Variants in SEMA3C observed in about 807,000 individuals in gnomAD.
SEMA3C encodes semaphorin-3C.
Under a neutral mutation model 89.4 loss-of-function variants are expected in SEMA3C, and 47 were observed. The ratio of observed to expected loss-of-function variants is 0.53; its 90% CI spans 0.42 to 0.67. The LOEUF is 0.67. SEMA3C is among the 30% of genes least tolerant of loss of function. The probability of loss-of-function intolerance (pLI) is 0.00; values close to 1 mark genes in which losing one functional copy is unlikely to be tolerated. For synonymous variants in SEMA3C, 310 were observed against 320.2 expected (o/e 0.97, Z 0.34); for missense variants, 839 against 929.1 (o/e 0.90, Z 1.26).
chr7:80,822,574 G>A (rs946160015), intron 4 of SEMA3C, among the ~76,000 whole-genome samples: 4 of 152,112 alleles, frequency 2.6e-5, no homozygotes, highest in Admixed American at 1.3e-4. Context: ...AGGCAATAGA[G>A]AATATTGCAG....
intron 2 of SEMA3C, among the ~76,000 whole-genome samples, chr7:80,863,239 A>C (rs1480964918): frequency 6.6e-6 from 1 of 151,814 alleles, no homozygotes; most frequent in East Asian, 1.9e-4. Flanking sequence ...TTAAAAAAAA[A>C]AAAAAAATAG....
chr7:80,868,326 G>T (rs774310160), intron 2 of SEMA3C, among the ~76,000 whole-genome samples: 2 of 151,920 alleles, frequency 1.3e-5, no homozygotes, highest in Admixed American at 6.6e-5. Flanking sequence ...GGAGTGCAGC[G>T]ATGCAGTCTC....
intron 2 of SEMA3C, among the ~76,000 whole-genome samples, chr7:80,895,614 C>T (rs187883956): frequency 5.3e-5 from 8 of 152,042 alleles, no homozygotes; most frequent in Non-Finnish European, 7.4e-5. Flanking sequence ...CACATGTGCA[C>T]GGAATGATTA....
rs1294045169 is a variant in SEMA3C at position 80,765,255 on chromosome 7, AAAG to A, written c.1355-15_1355-13del. On this transcript the variant is annotated splice_polypyrimidine_tract_variant and intron_variant, in intron 12 of 17. Transcript: ENST00000265361. ...CACAGTACCCCGATCTAAATTAAAA[AAAG>A]AAGAAATGAGATGTTACAATACTTT... is the stretch of plus-strand genomic sequence containing the variant. 6.3e-7 allele frequency: 1 copy of A among 1,593,314 alleles called. No individual in the cohort carries two copies. Among genetic ancestry groups the A allele is most frequent in the African/African-American group, 1.3e-5 (1 of 74,460 alleles).
chr7:80,895,583 C>T (rs1336896348), intron 2 of SEMA3C, among the ~76,000 whole-genome samples: 1 of 152,076 alleles, frequency 6.6e-6, no homozygotes, highest in Non-Finnish European at 1.5e-5. Flanking sequence ...CAAATTCAGT[C>T]CTTATATACA....
rs565321016 is a variant in SEMA3C, at chr7:80,837,680, CT to C, written c.104-8936del. 2.6e-5 allele frequency among the ~76,000 whole-genome samples: 4 copies of C among 152,306 alleles called. No individual in the cohort carries two copies. The South Asian group carries it at 8.3e-4, about 32-fold the overall frequency. Reference sequence around the variant, plus strand: ...CTCTTGCTTATAAAATTCTTCCTGCCTTTTTCTAATTCCTACTTATAATGTG... The same window carrying C: ...CTCTTGCTTATAAAATTCTTCCTGCCTTTTCTAATTCCTACTTATAATGTG... On this transcript the variant is annotated intron_variant, in intron 2 of 17. Transcript: ENST00000265361.
intron 5 of SEMA3C, among the ~76,000 whole-genome samples, chr7:80,811,617 G>A: frequency 6.6e-6 from 1 of 152,050 alleles, no homozygotes; most frequent in East Asian, 1.9e-4. Flanking sequence ...ATCAAGCTAA[G>A]ATTTTTGAAA....
intron 2 of SEMA3C, among the ~76,000 whole-genome samples, chr7:80,850,310 A>C (rs932566922): frequency 6.6e-6 from 1 of 152,208 alleles, no homozygotes; most frequent in African/African-American, 2.4e-5. Flanking sequence ...ATATACCAAA[A>C]GATGTGTGTA....
At chr7:80,867,755 T>C (rs1354141817) in intron 2 of SEMA3C, among the ~76,000 whole-genome samples, 4 of 151,186 alleles carry the variant, frequency 2.6e-5, no homozygotes, top group Non-Finnish European at 2.9e-5. Context: ...CCTCTCTGTG[T>C]GGAAAAAGTC....
intron 2 of SEMA3C, among the ~76,000 whole-genome samples, chr7:80,833,906 C>A (rs188664045): frequency 1.3e-5 from 2 of 151,982 alleles, no homozygotes; most frequent in Non-Finnish European, 2.9e-5. Flanking sequence ...GAATTGGCCA[C>A]GGTTATAGAA....
chr7:80,919,425 C>A, upstream of SEMA3C: 4 of 964,398 alleles, frequency 4.1e-6, no homozygotes, highest in Non-Finnish European at 4.9e-6. Context: ...CTTACACAGG[C>A]TTTGCCTGGC....
At chr7:80,776,366 G>A (rs1185036785) in intron 12 of SEMA3C, among the ~76,000 whole-genome samples, 1 of 151,324 alleles carries the variant, frequency 6.6e-6, no homozygotes. Flanking sequence ...TTCTCGTTTT[G>A]CACTTGCAAA....
intron 2 of SEMA3C, among the ~76,000 whole-genome samples, chr7:80,845,097 C>T (rs1403030659): frequency 6.6e-6 from 1 of 152,138 alleles, no homozygotes; most frequent in African/African-American, 2.4e-5. Flanking sequence ...GATACGACCT[C>T]TCCCCCTCCA....
At chr7:80,905,951 T>C (rs1792004505) in intron 2 of SEMA3C, 1 of 1,226,836 alleles carries the variant, frequency 8.2e-7, no homozygotes, top group African/African-American at 1.6e-5. Context: ...TGTAATTTTG[T>C]TTTGTTTTTT....
intron 16 of SEMA3C, among the ~76,000 whole-genome samples, chr7:80,750,471 TATACACACAC>T (rs1181956010): frequency 1.9e-5 from 1 of 52,394 alleles, no homozygotes; most frequent in Non-Finnish European, 3.9e-5. Flanking sequence ...TATATATATA[TATACACACAC>T]ACACACACAC....
chr7:80,882,045 C>T (rs904664432), intron 2 of SEMA3C, among the ~76,000 whole-genome samples: 5 of 152,080 alleles, frequency 3.3e-5, no homozygotes, highest in African/African-American at 1.2e-4. Context: ...GAAGTATTTG[C>T]GCACACAAGA....
intron 9 of SEMA3C, 24 bp downstream of exon 9, chr7:80,802,641 T>C: frequency 6.7e-7 from 1 of 1,496,694 alleles, no homozygotes; most frequent in Non-Finnish European, 9.3e-7. Flanking sequence ...TTCAGAAGCA[T>C]TTTTCAATCT....
intron 12 of SEMA3C, among the ~76,000 whole-genome samples, chr7:80,773,791 CTG>C (rs1239770765): frequency 6.6e-6 from 1 of 152,140 alleles, no homozygotes; most frequent in African/African-American, 2.4e-5. Flanking sequence ...TGGAAACACT[CTG>C]TGAGTCTCTG....
rs545568923 is a variant in SEMA3C at position 80,817,270 on chromosome 7, A to G, written c.447+1029T>C. Among the ~76,000 whole-genome samples, 4 of 152,342 alleles carry G rather than the reference A, an allele frequency of 2.6e-5. No individual in the cohort carries two copies. In the South Asian group the frequency reaches 8.3e-4, roughly 32 times the overall value. On this transcript the variant is annotated intron_variant, in intron 5 of 17. Transcript: ENST00000265361. ...CATGTCTGAAAAACAACTTAAAAAA[A>G]CATTGTTCAGTCATATTAGAACTAA...
Sources: gnomAD v4.1 joint callset for allele counts (sites outside exome capture counted in the v4.1 genomes callset) on GRCh38, gnomAD v4.1.1 for gene constraint, MANE v1.5 for transcripts, NCBI Gene and HGNC (gene_info 2026-07-23, HGNC 2026-07-21) for gene names.